The following SKAP1 variants were observed in gnomAD, a reference collection of about 807,000 sequenced individuals.
The protein encoded by SKAP1 is src kinase-associated phosphoprotein 1.
A neutral mutation model predicts 58.5 loss-of-function variants in SKAP1; 44 were observed. That is an observed-to-expected ratio of 0.75 (90% CI 0.59 to 0.97). The LOEUF (loss-of-function observed/expected upper bound fraction) is 0.97, where lower values mean the gene tolerates loss of function less well. Among genes scored for constraint, SKAP1 ranks in the 50% least tolerant of loss-of-function variants. The pLI, the probability that SKAP1 is intolerant of heterozygous loss-of-function variation, is 0.00. For missense variants in SKAP1, 390 were observed against 435.2 expected (o/e 0.90, Z 0.92); for synonymous variants, 127 against 149.7 (o/e 0.85, Z 1.11).
At chr17:48,397,909 T>C (rs796133511) in intron 1 of SKAP1, among the ~76,000 whole-genome samples, 20 of 152,212 alleles carry the variant, frequency 1.3e-4, no homozygotes, top group African/African-American at 4.8e-4. Context: ...CAAAATACAT[T>C]GATAATGATT....
At position 48,153,982 on chromosome 17, in the gene SKAP1, AT is replaced by A. The variant is rs2063937937; in HGVS notation, c.978+8486del. The stretch of plus-strand genomic sequence containing the variant: ...CTGTTTTTATGAGGGTTGTTGTCAC[AT>A]TCAACTAAGCACACTTAAAAGAGGA... On this transcript the variant is annotated intron_variant, in intron 11 of 12. Transcript: ENST00000336915. Among the ~76,000 whole-genome samples the A allele has an allele frequency of 2.0e-5, 3 of 152,146 alleles. 1 individual carries two copies. The South Asian group carries it at 6.2e-4, about 32-fold the overall frequency.
At chr17:48,137,013 ATTAG>A in intron 12 of SKAP1, 1 of 428,380 alleles carries the variant, frequency 2.3e-6, no homozygotes. Context: ...TTATGTTGCT[ATTAG>A]TTGAACCTTA....
intron 12 of SKAP1, among the ~76,000 whole-genome samples, chr17:48,136,176 C>CTCT (rs1307291679): frequency 1.6e-5 from 2 of 127,244 alleles, no homozygotes; most frequent in African/African-American, 5.4e-5. Context: ...TTTTCTCTCT[C>CTCT]TTTTTTTTTT....
intron 4 of SKAP1, among the ~76,000 whole-genome samples, chr17:48,310,801 C>T (rs1252592386): frequency 6.6e-6 from 1 of 151,762 alleles, no homozygotes; most frequent in Non-Finnish European, 1.5e-5. Flanking sequence ...GTCCATAATC[C>T]CCTATTCTGC....
intron 4 of SKAP1, among the ~76,000 whole-genome samples, chr17:48,210,939 T>C (rs2064864140): frequency 6.6e-6 from 1 of 152,114 alleles, no homozygotes. Context: ...GTTTAGCCAG[T>C]GTGACGGAAA....
intron 11 of SKAP1, among the ~76,000 whole-genome samples, chr17:48,156,124 C>T (rs900148198): frequency 2.6e-5 from 4 of 152,274 alleles, no homozygotes; most frequent in South Asian, 2.1e-4. Flanking sequence ...GAGCAGCAGC[C>T]GGCGTGTATT....
intron 1 of SKAP1, among the ~76,000 whole-genome samples, chr17:48,418,118 G>A (rs550029672): frequency 2.0e-5 from 3 of 152,130 alleles, no homozygotes; most frequent in South Asian, 2.1e-4. Context: ...CAAGACTCTC[G>A]TCTCTACTAA....
At chr17:48,338,496 A>T (rs974738802) in intron 4 of SKAP1, among the ~76,000 whole-genome samples, 1 of 152,042 alleles carries the variant, frequency 6.6e-6, no homozygotes. Flanking sequence ...TAAAACAGAG[A>T]CTAGATTAGG....
intron 4 of SKAP1, among the ~76,000 whole-genome samples, chr17:48,195,441 C>T (rs887696026): frequency 1.9e-4 from 29 of 152,180 alleles, no homozygotes; most frequent in African/African-American, 6.8e-4. Context: ...ATTTTTCTTG[C>T]ATTGTGCTTC....
intron 4 of SKAP1, among the ~76,000 whole-genome samples, chr17:48,210,931 T>C (rs971048960): frequency 1.3e-5 from 2 of 152,128 alleles, no homozygotes; most frequent in African/African-American, 2.4e-5. Flanking sequence ...TAGGATTAGT[T>C]TAGCCAGTGT....
chr17:48,411,694 G>A (rs765666723), intron 1 of SKAP1, among the ~76,000 whole-genome samples: 5 of 152,106 alleles, frequency 3.3e-5, no homozygotes, highest in Non-Finnish European at 5.9e-5. Flanking sequence ...TTGACATGAT[G>A]GGACGAAAAT....
chr17:48,391,413 A>C (rs1421829201), intron 2 of SKAP1, among the ~76,000 whole-genome samples: 1 of 152,228 alleles, frequency 6.6e-6, no homozygotes, highest in Non-Finnish European at 1.5e-5. Flanking sequence ...AAGCCAAGAG[A>C]TCAACAGTAA....
intron 1 of SKAP1, among the ~76,000 whole-genome samples, chr17:48,401,746 A>C (rs1485858736): frequency 6.6e-6 from 1 of 152,216 alleles, no homozygotes; most frequent in Non-Finnish European, 1.5e-5. Context: ...AGAAAAAAAA[A>C]GCAACCAAAT....
chr17:48,166,220 C>T (rs918491158), intron 10 of SKAP1, among the ~76,000 whole-genome samples: 1 of 152,132 alleles, frequency 6.6e-6, no homozygotes, highest in African/African-American at 2.4e-5. Context: ...TCTCTTTATC[C>T]TATGTAAGGG....
intron 4 of SKAP1, among the ~76,000 whole-genome samples, chr17:48,275,944 C>T (rs1389150740): frequency 6.6e-6 from 1 of 152,002 alleles, no homozygotes; most frequent in Non-Finnish European, 1.5e-5. Flanking sequence ...CTTATTAATA[C>T]CACACATAAT....
In SKAP1 at chr17:48,329,706, T is replaced by TA. The variant is rs752624098; in HGVS notation, c.280+16198dup. 5.3e-5 allele frequency among the ~76,000 whole-genome samples: 8 copies of TA among 151,778 alleles called. No homozygotes were observed. In the South Asian group the frequency reaches 6.3e-4, roughly 12 times the overall value. On this transcript the variant is annotated intron_variant, in intron 4 of 12. Coordinates refer to ENST00000336915, the MANE Select transcript of SKAP1 (RefSeq NM_003726.4). ...TGGGGGACAAGAGAGAGACTTTGTC[T>TA]AAAAAAAACAAAAAAACAAAAAACA... is the stretch of plus-strand genomic sequence containing the variant.
chr17:48,228,506 A>G (rs536331123), intron 4 of SKAP1, among the ~76,000 whole-genome samples: 4 of 152,340 alleles, frequency 2.6e-5, no homozygotes, highest in Admixed American at 6.5e-5. Flanking sequence ...TACCCAATAG[A>G]TAGCAAAGGT....
intron 1 of SKAP1, among the ~76,000 whole-genome samples, chr17:48,412,391 G>GA (rs1567905171): frequency 2.0e-5 from 3 of 151,924 alleles, no homozygotes; most frequent in Admixed American, 1.3e-4. Flanking sequence ...TTTGGAATCA[G>GA]AAAAAAATAA....
At chr17:48,344,609 C>T (rs1009283538) in intron 4 of SKAP1, among the ~76,000 whole-genome samples, 3 of 152,204 alleles carry the variant, frequency 2.0e-5, no homozygotes, top group African/African-American at 7.2e-5. Context: ...TAATTTTCTA[C>T]AATTATTAAT....
Sources: allele counts gnomAD v4.1 joint callset (sites outside exome capture counted in the v4.1 genomes callset), GRCh38; gene constraint gnomAD v4.1.1; transcripts MANE v1.5; gene names NCBI Gene and HGNC (gene_info 2026-07-23, HGNC 2026-07-21).